Variants in CSMD3 observed in about 807,000 individuals in gnomAD.
CSMD3 encodes CUB and sushi domain-containing protein 3.
CSMD3 carries 177 observed loss-of-function variants against 435.2 expected under a neutral mutation model. The ratio of observed to expected loss-of-function variants is 0.41; its 90% CI spans 0.36 to 0.46. CSMD3 has a LOEUF of 0.46. Ranked by LOEUF, CSMD3 falls within the 20% of genes least tolerant of loss-of-function variation. The probability of loss-of-function intolerance (pLI) is 0.34; values close to 1 mark genes in which losing one functional copy is unlikely to be tolerated. For synonymous variants in CSMD3, 1,656 were observed against 1,520.5 expected (o/e 1.09, Z -2.07); for missense variants, 4,265 against 4,504.6 (o/e 0.95, Z 1.52).
At chr8:112,269,767 T>A (rs978102266) in intron 59 of CSMD3, among the ~76,000 whole-genome samples, 1 of 152,234 alleles carries the variant, frequency 6.6e-6, no homozygotes, top group African/African-American at 2.4e-5. Context: ...ATAACTTCAC[T>A]ACATTTTAAA....
chr8:112,627,029 T>C (rs546155133), intron 22 of CSMD3, among the ~76,000 whole-genome samples: 1 of 152,230 alleles, frequency 6.6e-6, no homozygotes, highest in Admixed American at 6.5e-5. Context: ...AAATATTAGC[T>C]TTTATTATTA....
chr8:112,819,786 A>AT (rs1414448155), intron 12 of CSMD3, among the ~76,000 whole-genome samples: 1 of 152,196 alleles, frequency 6.6e-6, no homozygotes, highest in East Asian at 1.9e-4. Context: ...ATGATGAAGT[A>AT]TTTATACTTT....
rs534096358 is a variant in CSMD3 at position 112,544,656 on chromosome 8, TA to T, written c.4564+6014del. ...AATTCTTGGATTTACAAATAGTGAT[TA>T]AAAAACTATTCTGGATCATTTTCTG... On this transcript the variant is annotated intron_variant, in intron 27 of 70. Coordinates refer to ENST00000297405, the MANE Select transcript of CSMD3 (RefSeq NM_198123.2). Among the ~76,000 whole-genome samples the T allele has an allele frequency of 4.8e-3, 731 of 152,300 alleles. 6 individuals carry two copies. Among genetic ancestry groups the T allele is most frequent in the Non-Finnish European group, 6.6e-3 (449 of 68,026 alleles).
At position 113,173,934 on chromosome 8, in the gene CSMD3, A is replaced by C. The variant is rs750290477; in HGVS notation, c.515-18T>G. ...CTGCAATTCTATTAAAAAGGAGGAA[A>C]AGGAGAGTTTACAGTTATTTCAATA... On this transcript the variant is annotated intron_variant, in intron 3 of 70. Coordinates refer to ENST00000297405, the MANE Select transcript of CSMD3 (RefSeq NM_198123.2). 6.3e-7 allele frequency: 1 copy of C among 1,582,022 alleles called. No individual in the cohort carries two copies.
intron 30 of CSMD3, among the ~76,000 whole-genome samples, chr8:112,499,057 G>T (rs1174315717): frequency 6.6e-6 from 1 of 152,088 alleles, no homozygotes; most frequent in Non-Finnish European, 1.5e-5. Context: ...TAGAATATGT[G>T]TAGGGGGCTA....
intron 3 of CSMD3, among the ~76,000 whole-genome samples, chr8:113,183,393 GGTGCC>G (rs2092451395): frequency 6.6e-6 from 1 of 151,406 alleles, no homozygotes; most frequent in African/African-American, 2.4e-5. Context: ...GGTTTTTTTT[GGTGCC>G]AAGGAACACT....
At chr8:112,372,032 A>T (rs1828444162) in intron 38 of CSMD3, among the ~76,000 whole-genome samples, 1 of 152,156 alleles carries the variant, frequency 6.6e-6, no homozygotes, top group Non-Finnish European at 1.5e-5. Context: ...AAAATACAAA[A>T]ACAAACACAG....
rs151100776 is a variant in CSMD3, at chr8:112,874,424, G to A, written c.1634-15158C>T. Among the ~76,000 whole-genome samples the A allele has an allele frequency of 1.6e-3, 243 of 152,174 alleles. 2 individuals carry two copies. In the East Asian group the frequency reaches 0.031, roughly 19 times the overall value. On this transcript the variant is annotated intron_variant, in intron 10 of 70. Transcript: ENST00000297405. The stretch of plus-strand genomic sequence containing the variant: ...AATTCTGTAGATGTCTATTAGGTCC[G>A]CTTGGTTCAGAGCTGAGTTCAAGTC...
At chr8:113,086,595 A>G (rs4876508) in intron 5 of CSMD3, among the ~76,000 whole-genome samples, 102,182 of 152,002 alleles carry the variant, frequency 0.67, 35,960 homozygotes, top group East Asian at 0.95. Flanking sequence ...AATATATCAT[A>G]AATATTTGTA....
chr8:113,425,765 T>C (rs1205920232), intron 1 of CSMD3, among the ~76,000 whole-genome samples: 4 of 151,710 alleles, frequency 2.6e-5, no homozygotes, highest in African/African-American at 9.6e-5. Flanking sequence ...GCGTTGAACA[T>C]GAATTCAATA....
intron 40 of CSMD3, among the ~76,000 whole-genome samples, chr8:112,349,037 T>A (rs1007431521): frequency 6.6e-6 from 1 of 152,042 alleles, no homozygotes; most frequent in African/African-American, 2.4e-5. Flanking sequence ...TAAGCAGTTC[T>A]ATTCAGTGAC....
At chr8:112,744,052 G>T (rs1204254015) in intron 13 of CSMD3, among the ~76,000 whole-genome samples, 1 of 151,888 alleles carries the variant, frequency 6.6e-6, no homozygotes, top group African/African-American at 2.4e-5. Context: ...TTTATGAAAA[G>T]GTTGTCATAT....
intron 10 of CSMD3, among the ~76,000 whole-genome samples, chr8:112,873,733 G>T (rs2081199504): frequency 6.6e-6 from 1 of 152,036 alleles, no homozygotes; most frequent in Non-Finnish European, 1.5e-5. Flanking sequence ...ATGGTAGTTT[G>T]TATTTCTGTG....
intron 17 of CSMD3, among the ~76,000 whole-genome samples, chr8:112,665,643 C>A (rs1310996082): frequency 1.3e-5 from 2 of 152,002 alleles, no homozygotes; most frequent in Non-Finnish European, 2.9e-5. Context: ...AATGATATAA[C>A]TGAGAGATTA....
intron 1 of CSMD3, among the ~76,000 whole-genome samples, chr8:113,399,188 T>C (rs540440073): frequency 1.3e-4 from 19 of 149,048 alleles, no homozygotes; most frequent in African/African-American, 4.4e-4. Flanking sequence ...ATAAAACAAG[T>C]ATTGGCAAGA....
chr8:112,345,727 C>T (rs1825600160), intron 41 of CSMD3, among the ~76,000 whole-genome samples: 1 of 151,894 alleles, frequency 6.6e-6, no homozygotes, highest in Admixed American at 6.6e-5. Flanking sequence ...GTGTTCTCAC[C>T]ATAAAAAATA....
chr8:112,770,888 ACTT>A (rs1223233937), intron 13 of CSMD3, among the ~76,000 whole-genome samples: 2 of 151,928 alleles, frequency 1.3e-5, no homozygotes, highest in Admixed American at 1.3e-4. Flanking sequence ...CTGGCCTCCC[ACTT>A]CTTCATCTGT....
intron 2 of CSMD3, among the ~76,000 whole-genome samples, chr8:113,301,628 C>T (rs1348146403): frequency 6.6e-6 from 1 of 151,708 alleles, no homozygotes; most frequent in Non-Finnish European, 1.5e-5. Context: ...ATATATGTGA[C>T]ACTTGTGATT....
chr8:112,229,012 A>T, intron 69 of CSMD3, 121 bp from the exon 70 acceptor site: 1 of 650,294 alleles, frequency 1.5e-6, no homozygotes, highest in Non-Finnish European at 2.6e-6. Flanking sequence ...CATAGTAAAC[A>T]AAAATAATTC....
Sources: allele counts gnomAD v4.1 joint callset (sites outside exome capture counted in the v4.1 genomes callset), GRCh38; gene constraint gnomAD v4.1.1; transcripts MANE v1.5; gene names NCBI Gene and HGNC (gene_info 2026-07-23, HGNC 2026-07-21).